The following MDFIC variants were observed in gnomAD, a reference collection of about 807,000 sequenced individuals.
MDFIC encodes the protein myoD family inhibitor domain-containing protein.
MDFIC carries 17 observed loss-of-function variants against 23.2 expected under a neutral mutation model. That is an observed-to-expected ratio of 0.73 (90% CI 0.50 to 1.10). The LOEUF (loss-of-function observed/expected upper bound fraction) is 1.10, where lower values mean the gene tolerates loss of function less well. MDFIC is among the 50% of genes least tolerant of loss of function. MDFIC has a pLI of 0.00. For synonymous variants in MDFIC, 120 were observed against 115.2 expected (o/e 1.04, Z -0.27); for missense variants, 356 against 316.6 (o/e 1.12, Z -0.95).
At chr7:114,997,153 G>A (rs1791349737) in intron 4 of MDFIC, among the ~76,000 whole-genome samples, 2 of 152,318 alleles carry the variant, frequency 1.3e-5, no homozygotes, top group Admixed American at 6.5e-5. Flanking sequence ...CAGAGAAAAT[G>A]AGAAAAGAAA....
At chr7:114,964,889 T>TAA (rs1183796634) in intron 3 of MDFIC, among the ~76,000 whole-genome samples, 2 of 152,214 alleles carry the variant, frequency 1.3e-5, no homozygotes, top group Non-Finnish European at 2.9e-5. Flanking sequence ...TTCTCAGTGC[T>TAA]GGATCAGAAG....
chr7:115,015,838 CT>C lies in MDFIC; in HGVS notation c.646del (p.Cys216ValfsTer61). ...GAGATGGGGGATGATTGTAACTGCC[CT>C]TGTGATATGGACTGTGGCATCATGG... ...GDEMGDDCNC[P>X]CDMDCGIMDA... On this transcript the variant is annotated frameshift_variant, in exon 5 of 5. Coordinates refer to ENST00000393486, the MANE Select transcript of MDFIC (RefSeq NM_001166345.3). LOFTEE classifies it high-confidence loss of function. The C allele has an allele frequency of 6.2e-7, 1 of 1,614,192 alleles. No homozygotes were observed. Among genetic ancestry groups the C allele is most frequent in the African/African-American group, 1.3e-5 (1 of 75,060 alleles).
At chr7:114,954,430 A>G (rs1792845087) in intron 3 of MDFIC, among the ~76,000 whole-genome samples, 1 of 152,244 alleles carries the variant, frequency 6.6e-6, no homozygotes, top group Non-Finnish European at 1.5e-5. Context: ...GTAACAGACC[A>G]CACATCGGTC....
At chr7:114,991,193 GTTGT>G (rs1219262842) in intron 4 of MDFIC, among the ~76,000 whole-genome samples, 1 of 152,148 alleles carries the variant, frequency 6.6e-6, no homozygotes, top group Admixed American at 6.5e-5. Context: ...TTGTGATGGG[GTTGT>G]TTGTTTTTTT....
In MDFIC at chr7:115,017,391, CTTTCT is replaced by C. The variant is rs569964838; in HGVS notation, c.*1460_*1464del. 16 of 152,154 alleles carry C rather than the reference CTTTCT, an allele frequency of 1.1e-4. 1 individual carries two copies. The South Asian group carries it at 3.1e-3, about 30-fold the overall frequency. The allele number at this position is 152,154 out of a possible 1,614,324, so 9.4% of individuals were successfully genotyped here. On this transcript the variant is annotated 3_prime_UTR_variant, in exon 5 of 5. Coordinates refer to ENST00000393486, the MANE Select transcript of MDFIC (RefSeq NM_001166345.3). ...CCCAGTGTTCTGAGTTATTGAAAGG[CTTTCT>C]TTTATTTTGAGAGCTTTAGGTCTTT...
intron 4 of MDFIC, among the ~76,000 whole-genome samples, chr7:115,010,035 T>C (rs928347702): frequency 2.0e-5 from 3 of 151,664 alleles, no homozygotes; most frequent in Non-Finnish European, 4.4e-5. Context: ...CTGTAAATAA[T>C]GACTGAATAA....
At chr7:114,988,115 A>G (rs189720402) in intron 4 of MDFIC, among the ~76,000 whole-genome samples, 12 of 152,188 alleles carry the variant, frequency 7.9e-5, no homozygotes, top group Non-Finnish European at 1.5e-4. Flanking sequence ...CTATGTATGG[A>G]CTTCACCGTT....
rs1345784618 is a variant in MDFIC, at chr7:115,017,590, G to A, written c.*1655G>A. On this transcript the variant is annotated 3_prime_UTR_variant, in exon 5 of 5. Transcript: ENST00000393486. ...TATGTTAAATTAAACTAATATGGCA[G>A]GTTATAATGATCCTTAAGTGTAAAG... 1 of 152,106 alleles carries A rather than the reference G, an allele frequency of 6.6e-6. No individual in the cohort carries two copies. The highest frequency in any genetic ancestry group is 1.5e-5 in the Non-Finnish European group (1 of 67,840). 9.4% of individuals were successfully genotyped at this position (152,106 alleles called of 1,614,324 possible). A position where few individuals can be genotyped will look rare whatever the true frequency, so the allele number is the denominator to read the frequency against.
At chr7:114,958,644 G>C (rs1334266392) in intron 3 of MDFIC, among the ~76,000 whole-genome samples, 2 of 152,042 alleles carry the variant, frequency 1.3e-5, no homozygotes, top group African/African-American at 2.4e-5. Flanking sequence ...CCAGCTACTT[G>C]GGAGGCTGAA....
At chr7:114,953,318 A>T (rs1256396379) in intron 3 of MDFIC, among the ~76,000 whole-genome samples, 5 of 152,230 alleles carry the variant, frequency 3.3e-5, no homozygotes, top group African/African-American at 4.8e-5. Flanking sequence ...AAACAAAAAA[A>T]TAGGTATATA....
rs1049462490 is a variant in MDFIC, at chr7:114,923,132, G to A, written c.94+5G>A. ...AGCTGGGCTCCACAGCCCAGGGTGA[G>A]TGCGCGCTTGCAAGTGGCAAGCTTC... On this transcript the variant is annotated splice_donor_5th_base_variant and intron_variant, in intron 2 of 4. Coordinates refer to ENST00000393486, the MANE Select transcript of MDFIC (RefSeq NM_001166345.3). The A allele has an allele frequency of 1.3e-6, 2 of 1,523,896 alleles. No individual in the cohort carries two copies. The highest frequency in any genetic ancestry group is 2.8e-5 in the African/African-American group (2 of 72,402). The allele number at this position is 1,523,896 out of a possible 1,614,324, so 94.4% of individuals were successfully genotyped here.
At chr7:114,997,789 AAAAG>A (rs1387111686) in intron 4 of MDFIC, among the ~76,000 whole-genome samples, 3 of 151,604 alleles carry the variant, frequency 2.0e-5, no homozygotes, top group Admixed American at 6.6e-5. Flanking sequence ...AAAAGAAAGA[AAAAG>A]AAAGAAAGAG....
At chr7:114,972,976 G>A (rs933946557) in intron 3 of MDFIC, among the ~76,000 whole-genome samples, 8 of 151,830 alleles carry the variant, frequency 5.3e-5, no homozygotes, top group Non-Finnish European at 1.2e-4. Context: ...TTAAGAGATT[G>A]TTTATATGTT....
At chr7:114,962,871 T>C (rs1793020008) in intron 3 of MDFIC, among the ~76,000 whole-genome samples, 2 of 152,220 alleles carry the variant, frequency 1.3e-5, no homozygotes, top group African/African-American at 4.8e-5. Flanking sequence ...GAGCATCAAA[T>C]CATTCATACT....
At chr7:114,924,546 G>A (rs977888667) in intron 2 of MDFIC, among the ~76,000 whole-genome samples, 1 of 151,554 alleles carries the variant, frequency 6.6e-6, no homozygotes, top group Non-Finnish European at 1.5e-5. Flanking sequence ...GGTGTCATGT[G>A]ATCTGAACTT....
chr7:114,969,707 T>C (rs543271348), intron 3 of MDFIC, among the ~76,000 whole-genome samples: 2 of 152,072 alleles, frequency 1.3e-5, no homozygotes, highest in Non-Finnish European at 2.9e-5. Flanking sequence ...CACACACTTA[T>C]GTGTGTATAA....
chr7:114,986,272 T>C (rs1793512392), intron 4 of MDFIC, among the ~76,000 whole-genome samples: 1 of 152,144 alleles, frequency 6.6e-6, no homozygotes, highest in African/African-American at 2.4e-5. Flanking sequence ...CGCTTCTTTG[T>C]CTTTTTGGTG....
intron 3 of MDFIC, among the ~76,000 whole-genome samples, chr7:114,969,737 A>G (rs1397581077): frequency 6.6e-6 from 1 of 152,116 alleles, no homozygotes; most frequent in Admixed American, 6.6e-5. Context: ...TGATGTCACA[A>G]TGTTTCTACT....
At position 115,015,970 on chromosome 7, in the gene MDFIC, T is replaced by C; in HGVS notation, c.*35T>C. The C allele has an allele frequency of 1.3e-6, 2 of 1,580,436 alleles. No homozygotes were observed. Among genetic ancestry groups the C allele is most frequent in the African/African-American group, 1.4e-5 (1 of 73,606 alleles). On this transcript the variant is annotated 3_prime_UTR_variant, in exon 5 of 5. Transcript: ENST00000393486. The stretch of plus-strand genomic sequence containing the variant: ...TTTTGTTTGTGTTAAAACTGGAGAG[T>C]GTTTAAAAATTTCCTTTTGGGGGGA...
Sources: gnomAD v4.1 joint callset for allele counts (sites outside exome capture counted in the v4.1 genomes callset) on GRCh38, gnomAD v4.1.1 for gene constraint, MANE v1.5 for transcripts, NCBI Gene and HGNC (gene_info 2026-07-23, HGNC 2026-07-21) for gene names.